Variants in PDE4D observed in about 807,000 individuals in gnomAD.
PDE4D encodes phosphodiesterase 4D.
Under a neutral mutation model 87.4 loss-of-function variants are expected in PDE4D, and 24 were observed. The ratio of observed to expected loss-of-function variants is 0.27; its 90% CI spans 0.20 to 0.39. The LOEUF is 0.39. PDE4D is among the 10% of genes least tolerant of loss of function. The probability of loss-of-function intolerance (pLI) is 1.00; values close to 1 mark genes in which losing one functional copy is unlikely to be tolerated. For missense variants in PDE4D, 714 were observed against 1,041.0 expected, an observed-to-expected ratio of 0.69 and a Z score of 4.32; for synonymous variants, 384 against 383.2, an observed-to-expected ratio of 1.00 and a Z score of -0.02.
intron 5 of PDE4D, among the ~76,000 whole-genome samples, chr5:59,061,449 C>T (rs571422561): frequency 3.9e-5 from 6 of 152,204 alleles, no homozygotes; most frequent in African/African-American, 7.2e-5. Flanking sequence ...AATGAATAAA[C>T]GAAGAGTTTG....
At chr5:60,468,137 C>CTTTTTGT (rs1554040606) in intron 1 of PDE4D, among the ~76,000 whole-genome samples, 5 of 141,218 alleles carry the variant, frequency 3.5e-5, no homozygotes, top group Non-Finnish European at 7.6e-5. Flanking sequence ...TTTCTTTTTT[C>CTTTTTGT]TTTTTTTTTT....
At chr5:60,172,129 A>ATATATATTATATTATATATATAT (rs1257268886) in intron 2 of PDE4D, among the ~76,000 whole-genome samples, 3 of 147,034 alleles carry the variant, frequency 2.0e-5, no homozygotes, top group African/African-American at 7.4e-5. Context: ...TATATATATA[A>ATATATATTATATTATATATATAT]TATAATATAT....
intron 1 of PDE4D, among the ~76,000 whole-genome samples, chr5:59,269,028 A>G (rs1419103013): frequency 6.6e-6 from 1 of 152,040 alleles, no homozygotes; most frequent in Non-Finnish European, 1.5e-5. Context: ...TAAGTGAGCT[A>G]TTCCTTTACC....
At chr5:59,403,011 T>C (rs1790941691) in intron 1 of PDE4D, among the ~76,000 whole-genome samples, 2 of 152,164 alleles carry the variant, frequency 1.3e-5, no homozygotes, top group South Asian at 4.1e-4. Flanking sequence ...GGAACAACTT[T>C]TTGTTTTTTC....
chr5:59,643,886 C>CT (rs1742015259), intron 1 of PDE4D, among the ~76,000 whole-genome samples: 1 of 152,180 alleles, frequency 6.6e-6, no homozygotes, highest in Non-Finnish European at 1.5e-5. Flanking sequence ...ACTAATAATA[C>CT]ATAAGGCCAT....
intron 1 of PDE4D, among the ~76,000 whole-genome samples, chr5:60,411,844 A>G (rs1742070233): frequency 6.6e-6 from 1 of 152,106 alleles, no homozygotes; most frequent in Non-Finnish European, 1.5e-5. Flanking sequence ...TAGAAATCTC[A>G]ATTTACATAC....
At chr5:59,629,988 CA>C (rs1831361820) in intron 1 of PDE4D, among the ~76,000 whole-genome samples, 1 of 152,106 alleles carries the variant, frequency 6.6e-6, no homozygotes, top group Non-Finnish European at 1.5e-5. Flanking sequence ...ATTAATTTTA[CA>C]AGTAAATAGA....
intron 2 of PDE4D, among the ~76,000 whole-genome samples, chr5:60,117,643 T>G (rs1053941707): frequency 6.6e-6 from 1 of 152,064 alleles, no homozygotes; most frequent in Non-Finnish European, 1.5e-5. Context: ...CAACACATGA[T>G]CCATCATCAA....
At chr5:59,771,086 C>A (rs1465856945) in intron 1 of PDE4D, among the ~76,000 whole-genome samples, 3 of 151,936 alleles carry the variant, frequency 2.0e-5, no homozygotes, top group Non-Finnish European at 4.4e-5. Context: ...GAGCCATGAT[C>A]ATGCCACTGC....
intron 1 of PDE4D, among the ~76,000 whole-genome samples, chr5:59,222,077 T>C (rs1026560049): frequency 2.0e-5 from 3 of 152,140 alleles, no homozygotes; most frequent in East Asian, 1.9e-4. Flanking sequence ...TCCTTTTCTA[T>C]GGAACCAGCC....
intron 6 of PDE4D, among the ~76,000 whole-genome samples, chr5:59,005,112 C>T (rs768593330): frequency 3.3e-5 from 5 of 152,168 alleles, no homozygotes; most frequent in Non-Finnish European, 5.9e-5. Context: ...TCAGCAAAAT[C>T]ATCAAAAACA....
chr5:60,327,851 G>A (rs1481074074), intron 1 of PDE4D, among the ~76,000 whole-genome samples: 1 of 151,194 alleles, frequency 6.6e-6, no homozygotes, highest in African/African-American at 2.4e-5. Context: ...TTATGTGGAA[G>A]TTACATGGAT....
chr5:60,465,162 G>A (rs1000258322), intron 1 of PDE4D, among the ~76,000 whole-genome samples: 2 of 151,818 alleles, frequency 1.3e-5, no homozygotes, highest in Admixed American at 1.3e-4. Flanking sequence ...TTTATTAAAT[G>A]CACCCGCTTG....
chr5:59,136,426 C>T (rs1777088521), intron 5 of PDE4D, among the ~76,000 whole-genome samples: 1 of 152,110 alleles, frequency 6.6e-6, no homozygotes, highest in Non-Finnish European at 1.5e-5. Flanking sequence ...GATGTTCAGG[C>T]ACAAGGATGC....
At chr5:60,251,906 T>C (rs1422050851) in intron 1 of PDE4D, among the ~76,000 whole-genome samples, 1 of 151,974 alleles carries the variant, frequency 6.6e-6, no homozygotes, top group African/African-American at 2.4e-5. Context: ...GCTTCATTCA[T>C]GGTAAGTGTC....
chr5:59,734,312 T>A (rs960830012), intron 1 of PDE4D, among the ~76,000 whole-genome samples: 1 of 152,108 alleles, frequency 6.6e-6, no homozygotes, highest in African/African-American at 2.4e-5. Flanking sequence ...AGACTCAATA[T>A]CTGATGTTGA....
intron 1 of PDE4D, among the ~76,000 whole-genome samples, chr5:59,860,099 C>T (rs1179260545): frequency 3.9e-5 from 6 of 152,068 alleles, no homozygotes; most frequent in African/African-American, 1.4e-4. Context: ...TATAAGGACC[C>T]GTCGAGTAAG....
At chr5:59,578,500 T>C (rs562562529) in intron 1 of PDE4D, among the ~76,000 whole-genome samples, 39 of 152,310 alleles carry the variant, frequency 2.6e-4, no homozygotes, top group African/African-American at 9.1e-4. Flanking sequence ...AAATAATTTC[T>C]CAAGTAGAGT....
chr5:59,192,958 C>T (rs919971584), intron 3 of PDE4D, among the ~76,000 whole-genome samples: 1 of 152,196 alleles, frequency 6.6e-6, no homozygotes. Context: ...TCAACTCTTT[C>T]ATATTTATAT....
Sources: gnomAD v4.1 joint callset for allele counts (sites outside exome capture counted in the v4.1 genomes callset) on GRCh38, gnomAD v4.1.1 for gene constraint, MANE v1.5 for transcripts, NCBI Gene and HGNC (gene_info 2026-07-23, HGNC 2026-07-21) for gene names.